SORCS2: variants seen among roughly 807,000 people sequenced by gnomAD.
SORCS2 encodes sortilin related VPS10 domain containing receptor 2, also known as VPS10 domain-containing receptor SorCS2.
SORCS2 carries 100 observed loss-of-function variants against 141.6 expected under a neutral mutation model. That is an observed-to-expected ratio of 0.71 (90% confidence interval 0.60 to 0.83). The LOEUF (loss-of-function observed/expected upper bound fraction) is 0.83, where lower values mean the gene tolerates loss of function less well. Ranked by LOEUF, SORCS2 falls within the 40% of genes least tolerant of loss-of-function variation. The pLI, the probability that SORCS2 is intolerant of heterozygous loss-of-function variation, is 0.00. For missense variants in SORCS2, 1,646 were observed against 1,560.2 expected (o/e 1.05, Z -0.93); for synonymous variants, 789 against 676.9 (o/e 1.17, Z -2.57).
chr4:7,522,606 C>A (rs1733398529), intron 2 of SORCS2, among the ~76,000 whole-genome samples: 1 of 152,074 alleles, frequency 6.6e-6, no homozygotes, highest in Non-Finnish European at 1.5e-5. Context: ...TCCTCTCCTG[C>A]CTCTTCCCCT....
intron 3 of SORCS2, among the ~76,000 whole-genome samples, chr4:7,593,212 G>T (rs991895537): frequency 6.6e-6 from 1 of 152,160 alleles, no homozygotes; most frequent in African/African-American, 2.4e-5. Flanking sequence ...GAAGTGCAAG[G>T]CTTCTTATGG....
At position 7,238,308 on chromosome 4, in the gene SORCS2, C is replaced by A. The variant is rs796535872; in HGVS notation, c.480+45182C>A. ...GGGAGTCTGGGGGGGGTTGCTGGTA[C>A]TGCATACAGCTTTGTGTGTTGCTAA... is the stretch of plus-strand genomic sequence containing the variant. On this transcript the variant is annotated intron_variant, in intron 1 of 26. Transcript: ENST00000507866. Among the ~76,000 whole-genome samples, 72 of 152,072 alleles carry A rather than the reference C, an allele frequency of 4.7e-4. 1 individual carries two copies. Among genetic ancestry groups the A allele is most frequent in the African/African-American group, 1.7e-3 (70 of 41,408 alleles).
intron 1 of SORCS2, among the ~76,000 whole-genome samples, chr4:7,235,615 G>T (rs980125034): frequency 1.6e-4 from 25 of 152,244 alleles, no homozygotes; most frequent in African/African-American, 6.0e-4. Context: ...TGGGAAGGGG[G>T]TGATAGGCAC....
Position 7,667,181 on chromosome 4 carries a change from C to G in SORCS2, c.1129C>G (p.Leu377Val), listed in dbSNP as rs938033530. Residue 377 changes from leucine to valine, a missense_variant, in exon 8 of 27, where the codon CTG becomes GTG. By Grantham distance (32) the Leu-to-Val change is conservative. Transcript: ENST00000507866. ...CTCTTATCGTCGAAATGAATTTGTC[C>G]TGATGAAGCTGCCGAAGTATGCATT... Reference protein sequence around the residue: ...YVSYRRNEFVLMKLPKYALPK... With the variant: ...YVSYRRNEFVVMKLPKYALPK... 6.2e-7 allele frequency: 1 copy of G among 1,613,880 alleles called. No homozygotes were observed. The highest frequency in any genetic ancestry group is 8.5e-7 in the Non-Finnish European group (1 of 1,179,786).
Position 7,664,504 on chromosome 4 carries a change from C to A in SORCS2, c.1071+33C>A. On this transcript the variant is annotated intron_variant, in intron 7 of 26. Transcript: ENST00000507866. The surrounding 1 kb of genome is among the most constrained non-coding windows in gnomAD (Gnocchi z 4.7). ...TGCTTCTGGGGCTTTTGGAAATTGG[C>A]AACAGGTGACGTGGCGGATGACCCG... The A allele has an allele frequency of 2.0e-6, 3 of 1,505,052 alleles. No homozygotes were observed. Among genetic ancestry groups the A allele is most frequent in the East Asian group, 2.4e-5 (1 of 41,932 alleles). The allele number at this position is 1,505,052 out of a possible 1,614,324, so 93.2% of individuals were successfully genotyped here.
At chr4:7,371,910 C>T (rs1379250320) in intron 1 of SORCS2, among the ~76,000 whole-genome samples, 1 of 152,158 alleles carries the variant, frequency 6.6e-6, no homozygotes, top group Non-Finnish European at 1.5e-5. Context: ...ATGCTGGTGG[C>T]CTCTAGAAGG....
intron 1 of SORCS2, among the ~76,000 whole-genome samples, chr4:7,312,962 G>C (rs1718286751): frequency 6.6e-6 from 1 of 152,254 alleles, no homozygotes; most frequent in Non-Finnish European, 1.5e-5. Context: ...CTGATAGCTG[G>C]CTCCAGGGGA....
Position 7,375,791 on chromosome 4 carries a change from G to T in SORCS2, c.481-20497G>T, listed in dbSNP as rs527528669. 8.5e-5 allele frequency among the ~76,000 whole-genome samples: 13 copies of T among 152,348 alleles called. No individual in the cohort carries two copies. The South Asian group carries it at 1.9e-3, about 22-fold the overall frequency. ...TGGCTGCCGGCACTGTGTGTCCACAGAGGAGTGGACAAGGACAAATGTCTG... is the reference window on the plus strand; with the variant it reads ...TGGCTGCCGGCACTGTGTGTCCACATAGGAGTGGACAAGGACAAATGTCTG... On this transcript the variant is annotated intron_variant, in intron 1 of 26. Coordinates refer to ENST00000507866, the MANE Select transcript of SORCS2 (RefSeq NM_020777.3).
intron 5 of SORCS2, among the ~76,000 whole-genome samples, chr4:7,654,885 G>A (rs1721660641): frequency 6.6e-6 from 1 of 152,174 alleles, no homozygotes; most frequent in African/African-American, 2.4e-5. Context: ...TGTTCCGATG[G>A]TGGGTACCAG....
At chr4:7,445,284 G>A (rs965600790) in intron 2 of SORCS2, among the ~76,000 whole-genome samples, 2 of 152,166 alleles carry the variant, frequency 1.3e-5, no homozygotes, top group African/African-American at 4.8e-5. Context: ...GAAGTCACAG[G>A]CTCTGGCTGG....
chr4:7,362,756 C>T (rs377489590), intron 1 of SORCS2, among the ~76,000 whole-genome samples: 1 of 151,818 alleles, frequency 6.6e-6, no homozygotes, highest in Non-Finnish European at 1.5e-5. Flanking sequence ...CTAACATCAC[C>T]ACCTCCACCG....
intron 3 of SORCS2, among the ~76,000 whole-genome samples, chr4:7,627,362 C>G (rs1719580260): frequency 6.6e-6 from 1 of 152,196 alleles, no homozygotes; most frequent in East Asian, 1.9e-4. Context: ...CCAGGCCTTA[C>G]ATATCCCTAC....
chr4:7,621,656 A>G (rs1719202370), intron 3 of SORCS2, among the ~76,000 whole-genome samples: 1 of 152,132 alleles, frequency 6.6e-6, no homozygotes, highest in Non-Finnish European at 1.5e-5. Context: ...GGTGAAACAT[A>G]TTTTTAAAAC....
rs546249955 is a variant in SORCS2 at position 7,297,759 on chromosome 4, A to T, written c.481-98529A>T. Among the ~76,000 whole-genome samples the T allele has an allele frequency of 3.3e-5, 5 of 152,316 alleles. No individual in the cohort carries two copies. The East Asian group carries it at 9.7e-4, about 30-fold the overall frequency. On this transcript the variant is annotated intron_variant, in intron 1 of 26. Coordinates refer to ENST00000507866, the MANE Select transcript of SORCS2 (RefSeq NM_020777.3). ...CCAGGAGCAAGGCTGGCTCACACTC[A>T]GGCTGGCCTCAGGCAGCACTTTTGG...
At chr4:7,713,791 A>C (rs1480851019) in intron 15 of SORCS2, among the ~76,000 whole-genome samples, 1 of 152,268 alleles carries the variant, frequency 6.6e-6, no homozygotes, top group African/African-American at 2.4e-5. Context: ...AATACAGGCC[A>C]CCGGGCATCC....
chr4:7,569,744 A>G (rs1025435999), intron 3 of SORCS2, among the ~76,000 whole-genome samples: 2 of 152,184 alleles, frequency 1.3e-5, no homozygotes, highest in Admixed American at 6.5e-5. Context: ...CTACACATAT[A>G]ATACAACATG....
intron 12 of SORCS2, among the ~76,000 whole-genome samples, chr4:7,699,245 G>C (rs1032096186): frequency 4.6e-5 from 7 of 152,136 alleles, no homozygotes; most frequent in African/African-American, 1.7e-4. Context: ...CACAGGAATG[G>C]GCGTCTGAAG....
rs756262212 is a variant in SORCS2, at chr4:7,741,490, G to A, written c.*1226G>A. The A allele has an allele frequency of 2.8e-6, 1 of 358,226 alleles. No individual in the cohort carries two copies. The highest frequency in any genetic ancestry group is 4.9e-6 in the Non-Finnish European group (1 of 202,064). The allele number at this position is 358,226 out of a possible 1,614,324, so 22.2% of individuals were successfully genotyped here. A position where few individuals can be genotyped will look rare whatever the true frequency, so the allele number is the denominator to read the frequency against. On this transcript the variant is annotated 3_prime_UTR_variant, in exon 27 of 27. Coordinates refer to ENST00000507866, the MANE Select transcript of SORCS2 (RefSeq NM_020777.3). ...TTTGCCTTGAAATGGGAAGTCAGTA[G>A]CCCCTTCCTCCTCCTCCCTCCTCCC...
intron 1 of SORCS2, among the ~76,000 whole-genome samples, chr4:7,253,592 C>T (rs754668925): frequency 2.2e-4 from 34 of 152,184 alleles, no homozygotes; most frequent in Non-Finnish European, 4.1e-4. Flanking sequence ...GCCCCCAGCT[C>T]CCTCCCAGAT....
Sources: allele counts gnomAD v4.1 joint callset (sites outside exome capture counted in the v4.1 genomes callset), GRCh38; gene constraint gnomAD v4.1.1; non-coding constraint Gnocchi (gnomAD v3.1); transcripts MANE v1.5; gene names NCBI Gene and HGNC (gene_info 2026-07-23, HGNC 2026-07-21).